Variants in ZSWIM5 observed in about 807,000 individuals in gnomAD.
ZSWIM5 encodes the protein zinc finger SWIM domain-containing protein 5.
A neutral mutation model predicts 119.6 loss-of-function variants in ZSWIM5; 55 were observed. The ratio of observed to expected loss-of-function variants is 0.46; its 90% CI spans 0.37 to 0.58. The LOEUF is 0.58. Among genes scored for constraint, ZSWIM5 ranks in the 20% least tolerant of loss-of-function variants. The pLI, the probability that ZSWIM5 is intolerant of heterozygous loss-of-function variation, is 0.00. For missense variants in ZSWIM5, 1,193 were observed against 1,512.8 expected (o/e 0.79, Z 3.51); for synonymous variants, 537 against 606.9 (o/e 0.88, Z 1.69).
At chr1:45,038,302 TC>T (rs1487031284) in intron 8 of ZSWIM5, among the ~76,000 whole-genome samples, 1 of 152,192 alleles carries the variant, frequency 6.6e-6, no homozygotes, top group African/African-American at 2.4e-5. Context: ...GGAAGTTCTT[TC>T]CCACTTTCAG....
intron 1 of ZSWIM5, among the ~76,000 whole-genome samples, chr1:45,097,124 A>G (rs952308158): frequency 6.6e-5 from 10 of 152,194 alleles, no homozygotes; most frequent in Admixed American, 5.2e-4. Context: ...GGTTTAAAAG[A>G]GTTCTGATTC....
At chr1:45,200,127 T>C (rs1376172382) in intron 1 of ZSWIM5, among the ~76,000 whole-genome samples, 2 of 152,182 alleles carry the variant, frequency 1.3e-5, no homozygotes, top group Non-Finnish European at 2.9e-5. Flanking sequence ...ATGTACTCAT[T>C]CATTCAATAA....
intron 1 of ZSWIM5, among the ~76,000 whole-genome samples, chr1:45,106,626 G>A (rs1645481068): frequency 6.6e-6 from 1 of 151,194 alleles, no homozygotes; most frequent in African/African-American, 2.4e-5. Context: ...TGGGAAGTGA[G>A]GCGCGCCTCT....
intron 1 of ZSWIM5, among the ~76,000 whole-genome samples, chr1:45,156,456 TAA>T (rs11346884): frequency 0.074 from 10,985 of 148,930 alleles, 509 homozygotes; most frequent in Non-Finnish European, 0.1. Flanking sequence ...TGAAATTATT[TAA>T]AAAAAAAAAA....
At chr1:45,110,332 C>T (rs1474192009) in intron 1 of ZSWIM5, among the ~76,000 whole-genome samples, 1 of 152,158 alleles carries the variant, frequency 6.6e-6, no homozygotes, top group Admixed American at 6.5e-5. Flanking sequence ...AAATCAAACT[C>T]ACTGGGGGAG....
intron 1 of ZSWIM5, among the ~76,000 whole-genome samples, chr1:45,095,650 G>A (rs1415643115): frequency 6.6e-6 from 1 of 152,118 alleles, no homozygotes; most frequent in Non-Finnish European, 1.5e-5. Flanking sequence ...ATCACATCAG[G>A]AGACATATAA....
At chr1:45,121,185 T>C (rs1375842485) in intron 1 of ZSWIM5, among the ~76,000 whole-genome samples, 1 of 152,210 alleles carries the variant, frequency 6.6e-6, no homozygotes, top group African/African-American at 2.4e-5. Context: ...TCTCCTGACC[T>C]CGTGATCTGC....
At chr1:45,064,833 T>C (rs958963845) in intron 2 of ZSWIM5, among the ~76,000 whole-genome samples, 8 of 152,204 alleles carry the variant, frequency 5.3e-5, no homozygotes, top group Non-Finnish European at 8.8e-5. Flanking sequence ...CCAGGATATA[T>C]ATATTGGTCT....
At position 45,016,870 on chromosome 1, in the gene ZSWIM5, T is replaced by A. The variant is rs931362955; in HGVS notation, c.*1584A>T. On this transcript the variant is annotated 3_prime_UTR_variant, in exon 14 of 14. Transcript: ENST00000359600. The stretch of plus-strand genomic sequence containing the variant: ...GCAGGAACATGATACACTATGGAGG[T>A]CAGCCAGGGCTAAGACAGGACTGCC... 1 of 152,092 alleles carries A rather than the reference T, an allele frequency of 6.6e-6. No homozygotes were observed. The highest frequency in any genetic ancestry group is 2.4e-5 in the African/African-American group (1 of 41,362). The allele number at this position is 152,092 out of a possible 1,614,324, so 9.4% of individuals were successfully genotyped here.
intron 1 of ZSWIM5, among the ~76,000 whole-genome samples, chr1:45,178,152 A>T (rs901268375): frequency 1.3e-5 from 2 of 152,020 alleles, no homozygotes; most frequent in Non-Finnish European, 2.9e-5. Flanking sequence ...GGCGCCGGGC[A>T]CAGTGGCTCA....
intron 1 of ZSWIM5, among the ~76,000 whole-genome samples, chr1:45,099,554 C>G (rs1010523673): frequency 2.6e-5 from 4 of 152,158 alleles, no homozygotes; most frequent in African/African-American, 9.6e-5. Flanking sequence ...TTTTATGAGG[C>G]CAGCATCATC....
At chr1:45,166,071 A>C (rs1242353195) in intron 1 of ZSWIM5, among the ~76,000 whole-genome samples, 2 of 152,186 alleles carry the variant, frequency 1.3e-5, no homozygotes, top group Non-Finnish European at 1.5e-5. Flanking sequence ...ATCCTCAATA[A>C]AATACTGGCA....
chr1:45,157,167 C>T (rs949128947), intron 1 of ZSWIM5, among the ~76,000 whole-genome samples: 4 of 151,062 alleles, frequency 2.6e-5, no homozygotes, highest in African/African-American at 9.7e-5. Flanking sequence ...TTTTTTTTCA[C>T]TCAGCATATT....
At chr1:45,022,276 G>A (rs572329217) in intron 11 of ZSWIM5, among the ~76,000 whole-genome samples, 160 of 151,506 alleles carry the variant, frequency 1.1e-3, no homozygotes, top group Non-Finnish European at 1.8e-3. Context: ...GACTACAGGC[G>A]CCCACCACCA....
In ZSWIM5 at chr1:45,051,145, T is replaced by A; in HGVS notation, c.1361A>T (p.Glu454Val). 6.2e-7 allele frequency: 1 copy of A among 1,614,204 alleles called. No homozygotes were observed. The highest frequency in any genetic ancestry group is 8.5e-7 in the Non-Finnish European group (1 of 1,180,034). ...KWSDLDVCPL[E>V]DGNYGHELPN... ...CAGCTCATGTCCATAGTTTCCATCC[T>A]CCAGGGGACAGACATCCAGGTCGCT... Residue 454 changes from glutamate to valine, a missense_variant, in exon 5 of 14, where the codon GAG becomes GTG. Physicochemically the swap from Glu to Val is moderately radical, Grantham distance 121. Around this residue, in one of 2 missense-constraint regions of ZSWIM5, gnomAD observed 961 missense variants for 1,290.0 expected, o/e 0.74. Coordinates refer to ENST00000359600, the MANE Select transcript of ZSWIM5 (RefSeq NM_020883.2).
At chr1:45,062,080 AC>A (rs1459030143) in intron 2 of ZSWIM5, among the ~76,000 whole-genome samples, 1 of 152,160 alleles carries the variant, frequency 6.6e-6, no homozygotes, top group East Asian at 1.9e-4. Context: ...ACAGAGTGAG[AC>A]CCTGTCTCAA....
intron 1 of ZSWIM5, among the ~76,000 whole-genome samples, chr1:45,119,770 GCA>G (rs1472798363): frequency 2.0e-5 from 3 of 152,092 alleles, no homozygotes; most frequent in Admixed American, 6.5e-5. Context: ...TCCAAACCTA[GCA>G]CAGTCTGGTA....
At chr1:45,133,024 T>G (rs968928358) in intron 1 of ZSWIM5, among the ~76,000 whole-genome samples, 2 of 152,334 alleles carry the variant, frequency 1.3e-5, no homozygotes, top group South Asian at 4.1e-4. Flanking sequence ...TGATGGACAT[T>G]TGGGTTGGTT....
rs754487354 is a variant in ZSWIM5, at chr1:45,102,314, CT to C, written c.596-14078del. The stretch of plus-strand genomic sequence containing the variant: ...TTCTCCATTTTCTTATCCTTTATGC[CT>C]TTGCATGTGAAGTTTCCTATACCAG... On this transcript the variant is annotated intron_variant, in intron 1 of 13. Transcript: ENST00000359600. 6.2e-4 allele frequency among the ~76,000 whole-genome samples: 95 copies of C among 152,122 alleles called. 1 individual carries two copies. Among genetic ancestry groups the C allele is most frequent in the Non-Finnish European group, 1.5e-4 (10 of 68,024 alleles).
Sources: gnomAD v4.1 joint callset for allele counts (sites outside exome capture counted in the v4.1 genomes callset) on GRCh38, gnomAD v4.1.1 for gene constraint, gnomAD v4.1.1 regional missense constraint, MANE v1.5 for transcripts, NCBI Gene and HGNC (gene_info 2026-07-23, HGNC 2026-07-21) for gene names.